The following REXO5 variants were observed in gnomAD, a reference collection of about 807,000 sequenced individuals.
REXO5 encodes exonuclease NEF-sp.
A neutral mutation model predicts 88.5 loss-of-function variants in REXO5; 48 were observed. The ratio of observed to expected loss-of-function variants is 0.54; its 90% CI spans 0.43 to 0.69. The LOEUF (loss-of-function observed/expected upper bound fraction) is 0.69, where lower values mean the gene tolerates loss of function less well. REXO5 is among the 30% of genes least tolerant of loss of function. The pLI, the probability that REXO5 is intolerant of heterozygous loss-of-function variation, is 0.00. For synonymous variants in REXO5, 311 were observed against 336.5 expected, an observed-to-expected ratio of 0.92 and a Z score of 0.83; for missense variants, 749 against 912.2, an observed-to-expected ratio of 0.82 and a Z score of 2.30.
At chr16:20,840,580 C>A in intron 15 of REXO5, 112 bp downstream of exon 15, 1 of 941,838 alleles carries the variant, frequency 1.1e-6, no homozygotes, top group Non-Finnish European at 1.5e-6. Context: ...TTGCTACCAA[C>A]TGGAGTGTGA....
rs1755496105 is a variant in REXO5, at chr16:20,826,012, G to T, written c.821+64G>T. The T allele has an allele frequency of 2.9e-6, 3 of 1,042,304 alleles. No homozygotes were observed. The Admixed American group carries it at 6.3e-5, about 22-fold the overall frequency. 64.6% of individuals were successfully genotyped at this position (1,042,304 alleles called of 1,614,324 possible). A position where few individuals can be genotyped will look rare whatever the true frequency, so the allele number is the denominator to read the frequency against. ...CGGGCTAGAATGGAATAATACTTAAGAATGGCCCACAGCTTCAGTTTAGTT... is the reference window on the plus strand; with the variant it reads ...CGGGCTAGAATGGAATAATACTTAATAATGGCCCACAGCTTCAGTTTAGTT... On this transcript the variant is annotated intron_variant, in intron 8 of 19. Coordinates refer to ENST00000261377, the MANE Select transcript of REXO5 (RefSeq NM_030941.3).
intron 14 of REXO5, 25 bp downstream of exon 14, chr16:20,839,884 G>T (rs1394174463): frequency 7.9e-6 from 11 of 1,400,980 alleles, no homozygotes; most frequent in Non-Finnish European, 9.1e-6. Flanking sequence ...TCTGCTGAAT[G>T]ATTTATTTAG....
chr16:20,825,950 T>A lies in REXO5; in HGVS notation c.821+2T>A. 1.2e-6 allele frequency: 2 copies of A among 1,600,122 alleles called. No individual in the cohort carries two copies. The highest frequency in any genetic ancestry group is 1.7e-6 in the Non-Finnish European group (2 of 1,168,322). ...CAAGATTCTGGACTACCTCACCAGG[T>A]ATTTTTCACCTTGCCTGCAGCTCTT... On this transcript the variant is annotated splice_donor_variant, in intron 8 of 19. Coordinates refer to ENST00000261377, the MANE Select transcript of REXO5 (RefSeq NM_030941.3). LOFTEE classifies it high-confidence loss of function.
chr16:20,846,312 G>T lies in REXO5; in HGVS notation c.2216G>T (p.Cys739Phe). ...AACAGCTTGTGCCCGGGCACTCTCT[G>T]CCTCATCCTGCTGCCAGGAACCAAG... ...LYNSLCPGTLCLILLPGTKST... is the reference protein window; with the variant it reads ...LYNSLCPGTLFLILLPGTKST... The change falls in exon 19 of 20, where the codon TGC (cysteine) becomes TTC (phenylalanine). Residue 739 changes from cysteine (C) to phenylalanine (F), a missense_variant. Cys to Phe is a radical substitution (Grantham distance 205). Coordinates refer to ENST00000261377, the MANE Select transcript of REXO5 (RefSeq NM_030941.3). 1 of 1,613,944 alleles carries T rather than the reference G, an allele frequency of 6.2e-7. No homozygotes were observed. Among genetic ancestry groups the T allele is most frequent in the Non-Finnish European group, 8.5e-7 (1 of 1,179,872 alleles).
chr16:20,812,472 C>T (rs532192151), intron 2 of REXO5, among the ~76,000 whole-genome samples: 12 of 152,210 alleles, frequency 7.9e-5, no homozygotes, highest in Admixed American at 3.3e-4. Flanking sequence ...TTGTAGTGAG[C>T]AAAGATAGCG....
intron 10 of REXO5, 21 bp downstream of exon 10, chr16:20,827,468 T>C (rs781340739): frequency 9.6e-6 from 15 of 1,559,470 alleles, no homozygotes; most frequent in Non-Finnish European, 1.8e-6. Context: ...TTATATGCTG[T>C]AATATTGTTC....
At chr16:20,814,816 T>C (rs1331591199) in intron 3 of REXO5, 111 bp from the exon 4 acceptor site, 1 of 1,070,250 alleles carries the variant, frequency 9.3e-7, no homozygotes, top group Non-Finnish European at 1.3e-6. Flanking sequence ...ATAAATTCTA[T>C]TAACTCTCAC....
intron 10 of REXO5, 93 bp downstream of exon 10, chr16:20,827,540 G>T: frequency 2.2e-6 from 2 of 895,838 alleles, no homozygotes; most frequent in Non-Finnish European, 3.5e-6. Flanking sequence ...AAAATTCAGG[G>T]TTTCTGCTCT....
intron 5 of REXO5, among the ~76,000 whole-genome samples, chr16:20,816,970 T>C (rs1243156433): frequency 1.3e-5 from 2 of 152,218 alleles, no homozygotes; most frequent in Admixed American, 1.3e-4. Context: ...TTTTTCAAAC[T>C]GTGGGTTGTG....
At chr16:20,831,998 C>G (rs559758068) in intron 11 of REXO5, among the ~76,000 whole-genome samples, 158 bp from the exon 12 acceptor site, 58 of 152,284 alleles carry the variant, frequency 3.8e-4, no homozygotes, top group African/African-American at 1.4e-3. Flanking sequence ...GAAGCCATCC[C>G]AGGGCTGTGG....
Position 20,844,789 on chromosome 16 carries a change from C to T in REXO5, c.1880C>T (p.Ala627Val), listed in dbSNP as rs767590715. 5.3e-5 allele frequency: 85 copies of T among 1,614,060 alleles called. 1 individual carries two copies. The Admixed American group carries it at 1.4e-3, about 27-fold the overall frequency. ...QEPRLFLGLE[A>V]VILPKDLKSG... Reference sequence around the variant, plus strand: ...CCCCGCCTCTTTCTTGGCCTGGAAGCTGTGATCTTGCCTAAAGATCTTAAA... The same window carrying T: ...CCCCGCCTCTTTCTTGGCCTGGAAGTTGTGATCTTGCCTAAAGATCTTAAA... Residue 627 changes from alanine (A) to valine (V), a missense_variant, in exon 17 of 20, where the codon GCT becomes GTT. Ala to Val is a moderately conservative substitution (Grantham distance 64). Coordinates refer to ENST00000261377, the MANE Select transcript of REXO5 (RefSeq NM_030941.3).
At position 20,816,056 on chromosome 16, in the gene REXO5, C is replaced by T. The variant is rs1336211781; in HGVS notation, c.379-60C>T. Reference sequence around the variant, plus strand: ...CTGAGGTGACAATAAAAGTCCAGGCCTTTCACAGTATTTTAGCTGTTTTCA... The same window carrying T: ...CTGAGGTGACAATAAAAGTCCAGGCTTTTCACAGTATTTTAGCTGTTTTCA... On this transcript the variant is annotated intron_variant, in intron 4 of 19. Transcript: ENST00000261377. The T allele has an allele frequency of 5.1e-6, 7 of 1,372,772 alleles. No homozygotes were observed. The East Asian group carries it at 1.4e-4, about 27-fold the overall frequency. 85.0% of individuals were successfully genotyped at this position (1,372,772 alleles called of 1,614,324 possible). A position where few individuals can be genotyped will look rare whatever the true frequency, so the allele number is the denominator to read the frequency against.
chr16:20,813,458 A>G (rs962753046), intron 3 of REXO5, among the ~76,000 whole-genome samples, 156 bp downstream of exon 3: 5 of 148,040 alleles, frequency 3.4e-5, no homozygotes, highest in Non-Finnish European at 7.4e-5. Flanking sequence ...ATTTTTTATG[A>G]TGGCTGCCAA....
In REXO5 at chr16:20,825,816, A is replaced by G. The variant is rs1417992311; in HGVS notation, c.706-17A>G. The G allele has an allele frequency of 1.3e-6, 2 of 1,564,382 alleles. No individual in the cohort carries two copies. The highest frequency in any genetic ancestry group is 1.7e-5 in the Admixed American group (1 of 59,718). On this transcript the variant is annotated splice_polypyrimidine_tract_variant and intron_variant, in intron 7 of 19. Coordinates refer to ENST00000261377, the MANE Select transcript of REXO5 (RefSeq NM_030941.3). Reference sequence around the variant, plus strand: ...ACTTCCACAGTTCAGCAGCCTGACTACATGTTGGTCTTTCAGTGCCTCACA... The same window carrying G: ...ACTTCCACAGTTCAGCAGCCTGACTGCATGTTGGTCTTTCAGTGCCTCACA...
intron 11 of REXO5, among the ~76,000 whole-genome samples, chr16:20,831,753 G>A (rs1157104139): frequency 3.3e-5 from 5 of 150,858 alleles, no homozygotes; most frequent in Non-Finnish European, 6.0e-5. Context: ...AAATTTTCCT[G>A]TAAAAGCCAT....
intron 2 of REXO5, among the ~76,000 whole-genome samples, chr16:20,811,586 G>A (rs904727340): frequency 6.6e-6 from 1 of 152,126 alleles, no homozygotes; most frequent in East Asian, 1.9e-4. Context: ...AATCCACTGC[G>A]GGCTGTATAG....
intron 13 of REXO5, among the ~76,000 whole-genome samples, chr16:20,836,843 A>G (rs1409507681): frequency 1.3e-5 from 2 of 152,112 alleles, no homozygotes; most frequent in African/African-American, 4.8e-5. Context: ...TTAGTATCTC[A>G]TTGTTTTAAT....
chr16:20,827,531 A>G, intron 10 of REXO5, 84 bp downstream of exon 10: 1 of 981,860 alleles, frequency 1.0e-6, no homozygotes, highest in East Asian at 2.4e-5. Context: ...GCATATTGCA[A>G]AATTCAGGGT....
intron 2 of REXO5, among the ~76,000 whole-genome samples, 157 bp from the exon 3 acceptor site, chr16:20,813,033 T>C (rs563020727): frequency 2.6e-5 from 4 of 152,376 alleles, no homozygotes; most frequent in African/African-American, 7.2e-5. Context: ...CTACCACATA[T>C]TGTTATTTTA....
Sources: gnomAD v4.1 joint callset for allele counts (sites outside exome capture counted in the v4.1 genomes callset) on GRCh38, gnomAD v4.1.1 for gene constraint, MANE v1.5 for transcripts, NCBI Gene and HGNC (gene_info 2026-07-23, HGNC 2026-07-21) for gene names.